Variants in CPM observed in about 807,000 individuals in gnomAD.
CPM encodes the protein carboxypeptidase M.
CPM carries 35 observed loss-of-function variants against 46.4 expected under a neutral mutation model. The observed-to-expected ratio is 0.75, with a 90% CI of 0.58 to 1.00. The LOEUF (loss-of-function observed/expected upper bound fraction) is 1.00, where lower values mean the gene tolerates loss of function less well. CPM is among the 50% of genes least tolerant of loss of function. The probability of loss-of-function intolerance (pLI) is 0.00; values close to 1 mark genes in which losing one functional copy is unlikely to be tolerated. For missense variants in CPM, 422 were observed against 530.4 expected (o/e 0.80, Z 2.01); for synonymous variants, 195 against 195.3 (o/e 1.00, Z 0.01).
chr12:68,917,214 C>T (rs895352272), intron 2 of CPM, among the ~76,000 whole-genome samples: 1 of 60,760 alleles, frequency 1.6e-5, no homozygotes, highest in Non-Finnish European at 3.2e-5. Context: ...CCCTTTTCAC[C>T]TGGCTGATCT....
chr12:68,918,672 T>C (rs1223985275), intron 2 of CPM, among the ~76,000 whole-genome samples: 1 of 151,406 alleles, frequency 6.6e-6, no homozygotes, highest in African/African-American at 2.4e-5. Flanking sequence ...CATTAGCAAG[T>C]ACTCTTGGTT....
chr12:68,909,639 T>C (rs945810391), intron 2 of CPM, among the ~76,000 whole-genome samples: 7 of 152,084 alleles, frequency 4.6e-5, no homozygotes, highest in African/African-American at 7.2e-5. Context: ...ATATACACCA[T>C]GGAATACTAT....
In CPM at chr12:68,859,080, C is replaced by CA; in HGVS notation, c.941-10dup. ...AACTTGACCCTTTACACCTGCAAGACAAAAATAAAATTAAATATTAATACC... is the reference window on the plus strand; with the variant it reads ...AACTTGACCCTTTACACCTGCAAGACAAAAAATAAAATTAAATATTAATACC... On this transcript the variant is annotated splice_polypyrimidine_tract_variant and intron_variant, in intron 7 of 8. Coordinates refer to ENST00000551568, the MANE Select transcript of CPM (RefSeq NM_198320.5). 2 of 1,435,926 alleles carry CA rather than the reference C, an allele frequency of 1.4e-6. No individual in the cohort carries two copies. Among genetic ancestry groups the CA allele is most frequent in the Non-Finnish European group, 9.2e-7 (1 of 1,091,216 alleles). 88.9% of individuals were successfully genotyped at this position (1,435,926 alleles called of 1,614,324 possible).
chr12:68,900,645 G>A (rs140210186), intron 2 of CPM, among the ~76,000 whole-genome samples: 2 of 152,250 alleles, frequency 1.3e-5, no homozygotes, highest in African/African-American at 4.8e-5. Context: ...CAGTAGGTGA[G>A]GGGATAAATA....
At chr12:68,868,224 A>G (rs1308666366) in intron 6 of CPM, among the ~76,000 whole-genome samples, 1 of 152,176 alleles carries the variant, frequency 6.6e-6, no homozygotes, top group Non-Finnish European at 1.5e-5. Flanking sequence ...GCCCTAAGGT[A>G]GGAGAGGGGG....
intron 1 of CPM, among the ~76,000 whole-genome samples, chr12:68,946,140 G>A (rs556308067): frequency 1.3e-5 from 2 of 152,078 alleles, no homozygotes; most frequent in African/African-American, 2.4e-5. Flanking sequence ...GATTACAGGT[G>A]TGAGCCACTG....
At chr12:68,919,343 A>G (rs1009251297) in intron 2 of CPM, among the ~76,000 whole-genome samples, 3 of 152,234 alleles carry the variant, frequency 2.0e-5, no homozygotes, top group African/African-American at 7.2e-5. Context: ...CTTCATAGCA[A>G]TGATCAAAAT....
intron 2 of CPM, among the ~76,000 whole-genome samples, chr12:68,893,129 T>TA (rs1173452056): frequency 1.2e-4 from 10 of 80,118 alleles, no homozygotes; most frequent in Admixed American, 3.0e-4. Flanking sequence ...GAACTTAAAT[T>TA]AAAAAAAAAC....
At chr12:68,950,369 G>A (rs1356140922) in intron 1 of CPM, among the ~76,000 whole-genome samples, 1 of 152,146 alleles carries the variant, frequency 6.6e-6, no homozygotes, top group Non-Finnish European at 1.5e-5. Flanking sequence ...TGGGTTTCAG[G>A]AAATGGAAAT....
intron 2 of CPM, among the ~76,000 whole-genome samples, chr12:68,897,276 T>G (rs1251803315): frequency 6.6e-6 from 1 of 151,948 alleles, no homozygotes; most frequent in African/African-American, 2.4e-5. Flanking sequence ...TTTAGGTTTT[T>G]TTTTTTTTTT....
chr12:68,858,427 C>T (rs543770973), intron 8 of CPM, among the ~76,000 whole-genome samples: 6 of 151,956 alleles, frequency 3.9e-5, no homozygotes, highest in East Asian at 3.9e-4. Context: ...TTACTTGCAT[C>T]GATGAAAAAA....
chr12:68,910,454 C>T (rs908241485), intron 2 of CPM, among the ~76,000 whole-genome samples: 2 of 152,052 alleles, frequency 1.3e-5, no homozygotes, highest in Non-Finnish European at 2.9e-5. Context: ...CCTCCCATGT[C>T]AAAACATATA....
intron 3 of CPM, among the ~76,000 whole-genome samples, chr12:68,885,243 C>T (rs1364996433): frequency 6.6e-6 from 1 of 152,182 alleles, no homozygotes; most frequent in African/African-American, 2.4e-5. Context: ...CTGCACCCAG[C>T]CAAGTGTTTG....
chr12:68,865,067 A>G (rs1345747867), intron 7 of CPM, among the ~76,000 whole-genome samples: 1 of 152,188 alleles, frequency 6.6e-6, no homozygotes, highest in Non-Finnish European at 1.5e-5. Context: ...TAAAGGATCA[A>G]TAGAGGTAGA....
At position 68,870,279 on chromosome 12, in the gene CPM, G is replaced by A. The variant is rs765962593; in HGVS notation, c.552C>T (p.Val184=). ...VMKWLKTETF[V]LSANLHGGAL... is the part of the protein sequence containing the mutation. ...CACCACCATGGAGGTTTGCAGAGAG[G>A]ACAAACGTCTCTGTTTTCAGCCACT... Residue 184 remains valine (V), a synonymous_variant, in exon 5 of 9, where the codon GTC becomes GTT. Coordinates refer to ENST00000551568, the MANE Select transcript of CPM (RefSeq NM_198320.5). 1 of 1,614,174 alleles carries A rather than the reference G, an allele frequency of 6.2e-7. No individual in the cohort carries two copies. Among genetic ancestry groups the A allele is most frequent in the South Asian group, 1.1e-5 (1 of 91,084 alleles).
At chr12:68,956,752 A>G (rs1430327751) in intron 1 of CPM, among the ~76,000 whole-genome samples, 1 of 152,228 alleles carries the variant, frequency 6.6e-6, no homozygotes, top group Non-Finnish European at 1.5e-5. Context: ...GCACCAAATC[A>G]CAGTTCACAT....
chr12:68,849,828 G>C (rs1035991348), downstream of CPM: 1 of 149,938 alleles, frequency 6.7e-6, no homozygotes. Flanking sequence ...AGCCAGGCTA[G>C]TCTCGAACTC....
chr12:68,892,224 A>G (rs1886684837), intron 2 of CPM, among the ~76,000 whole-genome samples: 1 of 152,190 alleles, frequency 6.6e-6, no homozygotes, highest in Non-Finnish European at 1.5e-5. Flanking sequence ...AACATCAAAG[A>G]AAAACAAAAG....
At position 68,958,156 on chromosome 12, in the gene CPM, G is replaced by A. The variant is rs1020143567; in HGVS notation, c.-4+5013C>T. ...GAATAGTGCCGCAATAAACATATGT[G>A]TGCATGTGTCTTTATAGTAGCATGA... On this transcript the variant is annotated intron_variant, in intron 1 of 8. Coordinates refer to the CPM transcript ENST00000546373. 2.6e-5 allele frequency among the ~76,000 whole-genome samples: 4 copies of A among 152,118 alleles called. No individual in the cohort carries two copies. In the South Asian group the frequency reaches 6.2e-4, roughly 24 times the overall value.
Sources: gnomAD v4.1 joint callset for allele counts (sites outside exome capture counted in the v4.1 genomes callset) on GRCh38, gnomAD v4.1.1 for gene constraint, MANE v1.5 for transcripts, NCBI Gene and HGNC (gene_info 2026-07-23, HGNC 2026-07-21) for gene names.